Variants in NAV2 observed in about 807,000 individuals in gnomAD.
NAV2 encodes neuron navigator 2.
NAV2 carries 54 observed loss-of-function variants against 223.2 expected under a neutral mutation model. The observed-to-expected ratio is 0.24, with a 90% CI of 0.19 to 0.30. The LOEUF (loss-of-function observed/expected upper bound fraction) is 0.30. Ranked by LOEUF, NAV2 falls within the 10% of genes least tolerant of loss-of-function variation. NAV2 has a pLI of 1.00. For missense variants in NAV2, 2,806 were observed against 3,147.5 expected, an observed-to-expected ratio of 0.89 and a Z score of 2.60; for synonymous variants, 1,279 against 1,239.3, an observed-to-expected ratio of 1.03 and a Z score of -0.67.
At chr11:19,551,091 G>T (rs1204155378) in intron 1 of NAV2, among the ~76,000 whole-genome samples, 2 of 152,266 alleles carry the variant, frequency 1.3e-5, no homozygotes, top group Admixed American at 1.3e-4. Context: ...CTTCAAATGA[G>T]CTGTCTTCTT....
intron 10 of NAV2, among the ~76,000 whole-genome samples, chr11:19,949,496 T>G (rs1213514627): frequency 6.6e-6 from 1 of 152,234 alleles, no homozygotes; most frequent in East Asian, 1.9e-4. Flanking sequence ...TGTCAAGCTC[T>G]TTCCGGCCTC....
At chr11:19,560,506 C>T (rs776498729) in intron 1 of NAV2, among the ~76,000 whole-genome samples, 10 of 152,184 alleles carry the variant, frequency 6.6e-5, no homozygotes, top group Non-Finnish European at 1.2e-4. Context: ...CTGTGAAGCG[C>T]CACTGAGGTC....
chr11:19,352,551 C>T (rs547903860), intron 1 of NAV2, among the ~76,000 whole-genome samples: 5 of 152,164 alleles, frequency 3.3e-5, no homozygotes, highest in African/African-American at 7.2e-5. Context: ...TGAGGCTCTG[C>T]GGCAGCTGGG....
intron 2 of NAV2, among the ~76,000 whole-genome samples, chr11:19,834,408 T>C (rs11025281): frequency 0.15 from 23,008 of 152,224 alleles, 1,876 homozygotes; most frequent in East Asian, 0.26. Flanking sequence ...TATTACTTTT[T>C]ACTCCAGAGA....
At chr11:19,530,802 G>C (rs114008267) in intron 1 of NAV2, among the ~76,000 whole-genome samples, 1 of 152,186 alleles carries the variant, frequency 6.6e-6, no homozygotes, top group African/African-American at 2.4e-5. Flanking sequence ...CTGAAAGGTC[G>C]GCCTAATTCT....
Position 19,713,731 on chromosome 11 carries a change from G to C in NAV2, c.36G>C (p.Ser12=), listed in dbSNP as rs754054735. The C allele has an allele frequency of 1.3e-6, 2 of 1,592,100 alleles. No individual in the cohort carries two copies. Among genetic ancestry groups the C allele is most frequent in the Non-Finnish European group, 1.7e-6 (2 of 1,165,154 alleles). Residue 12 remains serine, a synonymous_variant, in exon 1 of 38, where the codon TCG becomes TCC. Coordinates refer to ENST00000349880, the MANE Select transcript of NAV2 (RefSeq NM_145117.5). This position sits in a 1 kb window ranked among gnomAD's most constrained non-coding sequence, Gnocchi z 7.2. ...TCCTGGTCGCCTCCAAAATGAAGTCGGGACTGCCCAAACCCGTGCACAGCG... is the reference window on the plus strand; with the variant it reads ...TCCTGGTCGCCTCCAAAATGAAGTCCGGACTGCCCAAACCCGTGCACAGCG... ...PAILVASKMK[S]GLPKPVHSAA...
intron 22 of NAV2, among the ~76,000 whole-genome samples, chr11:20,071,114 C>A (rs565675753): frequency 3.0e-5 from 4 of 131,292 alleles, no homozygotes; most frequent in South Asian, 2.9e-4. Context: ...TAGCCCCCCA[C>A]CCCCCGACAG....
chr11:19,796,991 C>T (rs150546666), intron 1 of NAV2, among the ~76,000 whole-genome samples: 27 of 152,190 alleles, frequency 1.8e-4, no homozygotes, highest in African/African-American at 5.3e-4. Context: ...AGGCTGAGGC[C>T]GGGATATGAT....
intron 1 of NAV2, among the ~76,000 whole-genome samples, chr11:19,554,406 T>C (rs1368683248): frequency 6.6e-6 from 1 of 152,158 alleles, no homozygotes; most frequent in Non-Finnish European, 1.5e-5. Flanking sequence ...GAGCAGGAAG[T>C]GTCTAACCCT....
At chr11:19,944,825 T>G (rs1377532938) in intron 8 of NAV2, among the ~76,000 whole-genome samples, 3 of 149,796 alleles carry the variant, frequency 2.0e-5, no homozygotes, top group African/African-American at 7.3e-5. Flanking sequence ...CTTCCTTGCT[T>G]GCTTGCTTTC....
At chr11:19,859,468 G>T (rs1361218410) in intron 3 of NAV2, among the ~76,000 whole-genome samples, 1 of 148,264 alleles carries the variant, frequency 6.7e-6, no homozygotes, top group Middle Eastern at 3.2e-3. Flanking sequence ...TAAGGTCACA[G>T]ATCAACAGGA....
At chr11:19,969,894 C>T (rs1026259238) in intron 10 of NAV2, among the ~76,000 whole-genome samples, 15 of 150,506 alleles carry the variant, frequency 1.0e-4, no homozygotes, top group African/African-American at 3.4e-4. Context: ...TGCAGTGAGC[C>T]GAGATAGCAC....
intron 1 of NAV2, among the ~76,000 whole-genome samples, chr11:19,425,359 T>C (rs894146905): frequency 6.6e-6 from 1 of 152,220 alleles, no homozygotes; most frequent in African/African-American, 2.4e-5. Context: ...TGCTTTACCA[T>C]GGACATTGAT....
At chr11:19,523,903 T>G (rs541205908) in intron 1 of NAV2, among the ~76,000 whole-genome samples, 8 of 152,222 alleles carry the variant, frequency 5.3e-5, no homozygotes, top group African/African-American at 1.2e-4. Context: ...CCTCTCTGTT[T>G]ATAATGCCTT....
intron 1 of NAV2, among the ~76,000 whole-genome samples, chr11:19,818,868 A>G (rs961997053): frequency 3.9e-5 from 6 of 152,218 alleles, no homozygotes; most frequent in African/African-American, 1.4e-4. Flanking sequence ...TAGGCAGTGA[A>G]GGGGAACATA....
At chr11:19,595,225 C>T (rs78098728) in intron 1 of NAV2, among the ~76,000 whole-genome samples, 1 of 152,126 alleles carries the variant, frequency 6.6e-6, no homozygotes, top group Non-Finnish European at 1.5e-5. Flanking sequence ...TTCCACCACA[C>T]CTTTGACCTG....
intron 1 of NAV2, among the ~76,000 whole-genome samples, chr11:19,361,791 T>A (rs1445944301): frequency 1.3e-5 from 2 of 152,146 alleles, no homozygotes; most frequent in Non-Finnish European, 2.9e-5. Flanking sequence ...CTACGGTAAT[T>A]GAAAAAAAAT....
chr11:19,639,210 A>G (rs1173007468), intron 1 of NAV2, among the ~76,000 whole-genome samples: 2 of 152,178 alleles, frequency 1.3e-5, no homozygotes, highest in African/African-American at 4.8e-5. Context: ...AATCTGGCTT[A>G]TATTTGAGGA....
At chr11:19,709,298 T>G (rs1189530735), upstream of NAV2, among the ~76,000 whole-genome samples, 1 of 151,842 alleles carries the variant, frequency 6.6e-6, no homozygotes, top group Non-Finnish European at 1.5e-5. Flanking sequence ...ATCCCAGCAC[T>G]TTGGGAGGCC....
Sources: allele counts gnomAD v4.1 joint callset (sites outside exome capture counted in the v4.1 genomes callset), GRCh38; gene constraint gnomAD v4.1.1; non-coding constraint Gnocchi (gnomAD v3.1); transcripts MANE v1.5; gene names NCBI Gene and HGNC (gene_info 2026-07-23, HGNC 2026-07-21).